Variants in COL19A1 observed in about 807,000 individuals in gnomAD.
The protein encoded by COL19A1 is collagen alpha-1(XIX) chain.
A neutral mutation model predicts 190.2 loss-of-function variants in COL19A1; 159 were observed. The ratio of observed to expected loss-of-function variants is 0.84; its 90% confidence interval spans 0.73 to 0.95. The LOEUF (loss-of-function observed/expected upper bound fraction) is 0.95. Ranked by LOEUF, COL19A1 falls within the 40% of genes least tolerant of loss-of-function variation. The pLI, the probability that COL19A1 is intolerant of heterozygous loss-of-function variation, is 0.00. For synonymous variants in COL19A1, 509 were observed against 458.9 expected (o/e 1.11, Z -1.39); for missense variants, 1,418 against 1,431.9 (o/e 0.99, Z 0.16).
At chr6:69,915,115 T>C (rs921928592) in intron 4 of COL19A1, among the ~76,000 whole-genome samples, 1 of 152,242 alleles carries the variant, frequency 6.6e-6, no homozygotes, top group Non-Finnish European at 1.5e-5. Context: ...TTACAAACTG[T>C]GGTTCTTTTA....
Position 70,208,897 on chromosome 6 carries a change from T to G in COL19A1, c.*1623T>G, listed in dbSNP as rs1204443884. On this transcript the variant is annotated 3_prime_UTR_variant, in exon 51 of 51. Transcript: ENST00000620364. ...TTTTCATTATAGATTAATGAACTGC[T>G]GGTCAGGTACTGTCTACAATGGCTG... 1 of 152,676 alleles carries G rather than the reference T, an allele frequency of 6.5e-6. No individual in the cohort carries two copies. 9.5% of individuals were successfully genotyped at this position (152,676 alleles called of 1,614,324 possible).
chr6:70,184,618 G>A (rs1766390174), intron 44 of COL19A1, 85 bp from the exon 45 acceptor site: 1 of 1,041,020 alleles, frequency 9.6e-7, no homozygotes, highest in Admixed American at 2.2e-5. Flanking sequence ...TATGATTAAG[G>A]AACTGTCCTC....
intron 9 of COL19A1, among the ~76,000 whole-genome samples, chr6:69,940,087 C>A (rs535345009): frequency 6.6e-6 from 1 of 151,024 alleles, no homozygotes; most frequent in Non-Finnish European, 1.5e-5. Context: ...AAAAAAAAAT[C>A]TATGTCATAA....
intron 11 of COL19A1, among the ~76,000 whole-genome samples, chr6:69,983,958 A>T (rs938655793): frequency 6.6e-6 from 1 of 152,056 alleles, no homozygotes; most frequent in African/African-American, 2.4e-5. Flanking sequence ...TTATGCTAGG[A>T]TCATAAAATG....
chr6:70,134,372 A>G (rs994958142), intron 18 of COL19A1, among the ~76,000 whole-genome samples: 9 of 152,178 alleles, frequency 5.9e-5, no homozygotes, highest in Non-Finnish European at 1.3e-4. Context: ...ACTACCATAG[A>G]AAAAAACAAT....
At chr6:70,202,418 T>A (rs1767606952) in intron 49 of COL19A1, among the ~76,000 whole-genome samples, 1 of 152,222 alleles carries the variant, frequency 6.6e-6, no homozygotes, top group Non-Finnish European at 1.5e-5. Flanking sequence ...AACCAAAAGT[T>A]GCTTATATTG....
At chr6:70,134,100 G>T (rs1785684963) in intron 18 of COL19A1, among the ~76,000 whole-genome samples, 1 of 152,084 alleles carries the variant, frequency 6.6e-6, no homozygotes, top group African/African-American at 2.4e-5. Context: ...TAACTAGTAG[G>T]CATATTTTTC....
intron 9 of COL19A1, among the ~76,000 whole-genome samples, chr6:69,954,375 G>T (rs754172826): frequency 1.1e-4 from 17 of 151,968 alleles, no homozygotes; most frequent in Non-Finnish European, 2.1e-4. Context: ...CTGGATAAGT[G>T]TTTGTTGAGT....
intron 5 of COL19A1, 59 bp from the exon 6 acceptor site, chr6:69,929,366 C>A: frequency 6.6e-7 from 1 of 1,517,082 alleles, no homozygotes; most frequent in Non-Finnish European, 8.9e-7. Context: ...TCTTTGTGTG[C>A]TTTAATAATT....
chr6:70,097,081 T>A (rs903316931), intron 15 of COL19A1, among the ~76,000 whole-genome samples: 6 of 152,264 alleles, frequency 3.9e-5, no homozygotes, highest in African/African-American at 9.6e-5. Flanking sequence ...ATCTGTCAAA[T>A]AAGTACCAAT....
intron 10 of COL19A1, among the ~76,000 whole-genome samples, chr6:69,962,352 G>T (rs1343064266): frequency 6.6e-6 from 1 of 152,146 alleles, no homozygotes; most frequent in East Asian, 1.9e-4. Flanking sequence ...CAGAACCCAA[G>T]GGTTCAAACC....
intron 34 of COL19A1, among the ~76,000 whole-genome samples, chr6:70,160,284 C>T (rs1219384809): frequency 6.6e-6 from 1 of 152,000 alleles, no homozygotes; most frequent in Admixed American, 6.6e-5. Flanking sequence ...GGAGGAACTT[C>T]CAAACACTTA....
intron 13 of COL19A1, among the ~76,000 whole-genome samples, 197 bp downstream of exon 13, chr6:70,034,495 A>G (rs1018906268): frequency 6.6e-6 from 1 of 152,202 alleles, no homozygotes; most frequent in African/African-American, 2.4e-5. Context: ...CACAATTGCT[A>G]GTTGACATTA....
At chr6:70,071,323 C>T (rs1034714506) in intron 15 of COL19A1, among the ~76,000 whole-genome samples, 3 of 151,988 alleles carry the variant, frequency 2.0e-5, no homozygotes, top group African/African-American at 4.8e-5. Context: ...ACTATTTTTG[C>T]AAGTACCACG....
At chr6:70,089,633 C>T (rs987493267) in intron 15 of COL19A1, among the ~76,000 whole-genome samples, 1 of 152,190 alleles carries the variant, frequency 6.6e-6, no homozygotes, top group Non-Finnish European at 1.5e-5. Context: ...ATTCTGTCCA[C>T]AGGGACTGGT....
At chr6:69,970,175 A>G (rs534864970) in intron 11 of COL19A1, among the ~76,000 whole-genome samples, 1 of 152,318 alleles carries the variant, frequency 6.6e-6, no homozygotes, top group South Asian at 2.1e-4. Flanking sequence ...AAATGATATA[A>G]AATTTTATTT....
intron 21 of COL19A1, 45 bp downstream of exon 21, chr6:70,141,973 A>C: frequency 1.2e-6 from 2 of 1,610,124 alleles, no homozygotes; most frequent in Admixed American, 3.3e-5. Flanking sequence ...CCTTAATGAG[A>C]TTATGAAAAT....
chr6:70,165,697 T>C (rs1028721768), intron 36 of COL19A1, among the ~76,000 whole-genome samples: 2 of 152,046 alleles, frequency 1.3e-5, no homozygotes, highest in Non-Finnish European at 2.9e-5. Context: ...AAAATAAGCT[T>C]CGTTTCTAGA....
chr6:69,967,418 A>G (rs1775180631), intron 11 of COL19A1, among the ~76,000 whole-genome samples: 4 of 152,198 alleles, frequency 2.6e-5, no homozygotes, highest in South Asian at 4.1e-4. Context: ...AACATGTGGC[A>G]TATTCTGCAG....
Sources: gnomAD v4.1 joint callset for allele counts (sites outside exome capture counted in the v4.1 genomes callset) on GRCh38, gnomAD v4.1.1 for gene constraint, MANE v1.5 for transcripts, NCBI Gene and HGNC (gene_info 2026-07-23, HGNC 2026-07-21) for gene names.